ERBB4: variants seen among roughly 807,000 people sequenced by gnomAD.
ERBB4 encodes erb-b2 receptor tyrosine kinase 4, also known as receptor tyrosine-protein kinase erbB-4.
In ERBB4, 42 loss-of-function variants were observed where a neutral mutation model predicts 158.0. The observed-to-expected ratio is 0.27, with a 90% CI of 0.21 to 0.34. ERBB4 has a LOEUF of 0.34. ERBB4 is among the 10% of genes least tolerant of loss of function. The pLI is 1.00. For synonymous variants in ERBB4, 583 were observed against 558.7 expected (o/e 1.04, Z -0.61); for missense variants, 1,333 against 1,624.1 (o/e 0.82, Z 3.08).
chr2:211,686,392 A>AT (rs2072564602), intron 12 of ERBB4, among the ~76,000 whole-genome samples: 1 of 152,170 alleles, frequency 6.6e-6, no homozygotes, highest in South Asian at 2.1e-4. Flanking sequence ...GGCTGTTAAT[A>AT]TATTACATTT....
At chr2:212,257,502 CA>C (rs2084782559) in intron 1 of ERBB4, among the ~76,000 whole-genome samples, 1 of 152,102 alleles carries the variant, frequency 6.6e-6, no homozygotes, top group Admixed American at 6.6e-5. Flanking sequence ...AACAAAACTT[CA>C]ACTCCTATCT....
chr2:211,382,621 C>T lies in ERBB4; in HGVS notation c.*994G>A. ...AATGGATTCCCTCATTGGGCCACCC[C>T]TGAAAGTATCAGTAGTTTTCCTGAA... is the stretch of plus-strand genomic sequence containing the variant. On this transcript the variant is annotated 3_prime_UTR_variant, in exon 28 of 28. Coordinates refer to ENST00000342788, the MANE Select transcript of ERBB4 (RefSeq NM_005235.3). 1 of 232,956 alleles carries T rather than the reference C, an allele frequency of 4.3e-6. No homozygotes were observed. The highest frequency in any genetic ancestry group is 8.5e-6 in the Non-Finnish European group (1 of 117,744). The allele number at this position is 232,956 out of a possible 1,614,324, so 14.4% of individuals were successfully genotyped here.
intron 2 of ERBB4, among the ~76,000 whole-genome samples, chr2:211,990,612 A>T (rs1337934261): frequency 6.6e-6 from 1 of 151,974 alleles, no homozygotes; most frequent in Non-Finnish European, 1.5e-5. Flanking sequence ...CAAGTCGTTA[A>T]ATTTAAAATA....
At chr2:212,464,980 TATA>T in intron 1 of ERBB4, among the ~76,000 whole-genome samples, 1 of 151,544 alleles carries the variant, frequency 6.6e-6, no homozygotes, top group East Asian at 1.9e-4. Flanking sequence ...TCAGAAATAT[TATA>T]ATACAACGAT....
intron 1 of ERBB4, among the ~76,000 whole-genome samples, chr2:212,344,175 T>A (rs2088860269): frequency 6.6e-6 from 1 of 152,154 alleles, no homozygotes; most frequent in African/African-American, 2.4e-5. Context: ...GTCTCTAAGC[T>A]TAGTGCTCAA....
chr2:212,158,268 C>T (rs970017306), intron 1 of ERBB4, among the ~76,000 whole-genome samples: 1 of 151,992 alleles, frequency 6.6e-6, no homozygotes, highest in Admixed American at 6.6e-5. Flanking sequence ...AAGCTTTTTA[C>T]TATATAAATC....
At chr2:212,205,317 C>T (rs1295483899) in intron 1 of ERBB4, among the ~76,000 whole-genome samples, 4 of 152,148 alleles carry the variant, frequency 2.6e-5, no homozygotes, top group Non-Finnish European at 4.4e-5. Context: ...CGTGCCACCA[C>T]GCCAGCCAAT....
chr2:212,053,902 C>T (rs901667924), intron 2 of ERBB4, among the ~76,000 whole-genome samples: 1 of 152,150 alleles, frequency 6.6e-6, no homozygotes, highest in African/African-American at 2.4e-5. Context: ...TATTAAATTA[C>T]TTGTTACTTA....
At chr2:211,478,344 A>G (rs2065006359) in intron 20 of ERBB4, among the ~76,000 whole-genome samples, 2 of 152,178 alleles carry the variant, frequency 1.3e-5, no homozygotes. Context: ...GTGATAGTAT[A>G]GTTTAATGTC....
chr2:211,670,103 C>T lies in ERBB4; in HGVS notation c.1716+3061G>A, dbSNP rs182439974. On this transcript the variant is annotated intron_variant, in intron 14 of 27. Coordinates refer to ENST00000342788, the MANE Select transcript of ERBB4 (RefSeq NM_005235.3). The stretch of plus-strand genomic sequence containing the variant: ...CTTCTTCCTCAATTTCATCAAAACG[C>T]CAGTCTAATGGAGAAGCTTCCAGAA... Among the ~76,000 whole-genome samples, 55 of 152,228 alleles carry T rather than the reference C, an allele frequency of 3.6e-4. 1 individual carries two copies. The highest frequency in any genetic ancestry group is 1.3e-3 in the African/African-American group (53 of 41,536).
At chr2:211,989,107 T>C (rs111369793) in intron 2 of ERBB4, among the ~76,000 whole-genome samples, 3,339 of 152,110 alleles carry the variant, frequency 0.022, 56 homozygotes, top group Middle Eastern at 0.048. Flanking sequence ...CTTTCTCTGT[T>C]TTTTGAATGA....
intron 19 of ERBB4, among the ~76,000 whole-genome samples, chr2:211,579,296 C>T (rs946632548): frequency 6.6e-6 from 1 of 152,034 alleles, no homozygotes; most frequent in East Asian, 1.9e-4. Flanking sequence ...AGTCAAGAAA[C>T]AATGGATGCT....
chr2:212,087,961 C>A (rs560657330), intron 2 of ERBB4, among the ~76,000 whole-genome samples: 3 of 152,012 alleles, frequency 2.0e-5, no homozygotes, highest in African/African-American at 7.2e-5. Flanking sequence ...TGAAATAATG[C>A]GTGTTAAGCT....
chr2:212,109,279 A>T (rs1222140931), intron 2 of ERBB4, among the ~76,000 whole-genome samples: 1 of 152,176 alleles, frequency 6.6e-6, no homozygotes, highest in African/African-American at 2.4e-5. Context: ...GCACTCCATT[A>T]TGTTGTAAGA....
chr2:212,142,580 G>T (rs1409273553), intron 1 of ERBB4, among the ~76,000 whole-genome samples: 1 of 145,740 alleles, frequency 6.9e-6, no homozygotes, highest in Non-Finnish European at 1.5e-5. Context: ...TTAAATAAAG[G>T]ACACATTATA....
At position 212,321,287 on chromosome 2, in the gene ERBB4, C is replaced by T. The variant is rs527714660; in HGVS notation, c.83-196384G>A. ...TATTAACAAATTAATTGAGGGACTA[C>T]AGATTCACTAAGGTAATAAAGGTAA... is the stretch of plus-strand genomic sequence containing the variant. On this transcript the variant is annotated intron_variant, in intron 1 of 27. Transcript: ENST00000342788. Among the ~76,000 whole-genome samples the T allele has an allele frequency of 3.3e-5, 5 of 150,640 alleles. 1 individual carries two copies. In the South Asian group the frequency reaches 1.1e-3, roughly 32 times the overall value.
intron 2 of ERBB4, among the ~76,000 whole-genome samples, chr2:211,981,453 C>A (rs2081794238): frequency 1.3e-5 from 2 of 152,182 alleles, no homozygotes; most frequent in South Asian, 2.1e-4. Flanking sequence ...TGGTTTTTGC[C>A]TGTAGGTTTA....
chr2:211,684,216 C>T (rs996471760), intron 12 of ERBB4, among the ~76,000 whole-genome samples: 1 of 152,088 alleles, frequency 6.6e-6, no homozygotes, highest in South Asian at 2.1e-4. Flanking sequence ...TTTTGAGAGG[C>T]CAAAGCTGGT....
chr2:212,443,343 T>C (rs372760551), intron 1 of ERBB4, among the ~76,000 whole-genome samples: 3 of 152,264 alleles, frequency 2.0e-5, no homozygotes, highest in Admixed American at 6.5e-5. Flanking sequence ...ATTGGTGAGA[T>C]GTTTGCATAC....
Sources: allele counts gnomAD v4.1 joint callset (sites outside exome capture counted in the v4.1 genomes callset), GRCh38; gene constraint gnomAD v4.1.1; transcripts MANE v1.5; gene names NCBI Gene and HGNC (gene_info 2026-07-23, HGNC 2026-07-21).